Variants in MSRA observed in about 807,000 individuals in gnomAD.
MSRA encodes methionine sulfoxide reductase A, also known as mitochondrial peptide methionine sulfoxide reductase.
In MSRA, 54 loss-of-function variants were observed where a neutral mutation model predicts 31.3. That is an observed-to-expected ratio of 1.73 (90% confidence interval 1.39 to 2.17). The LOEUF (loss-of-function observed/expected upper bound fraction) is 2.17, where lower values mean the gene tolerates loss of function less well. MSRA is among the 30% of genes most tolerant of loss of function. MSRA has a pLI of 0.00. For missense variants in MSRA, 507 were observed against 300.9 expected, an observed-to-expected ratio of 1.69 and a Z score of -5.07; for synonymous variants, 169 against 116.5, an observed-to-expected ratio of 1.45 and a Z score of -2.90.
chr8:10,124,866 T>C (rs545762807), intron 1 of MSRA, among the ~76,000 whole-genome samples: 1 of 152,332 alleles, frequency 6.6e-6, no homozygotes, highest in East Asian at 1.9e-4. Flanking sequence ...AGTTCTACCT[T>C]AAAAATAAAG....
At chr8:10,289,132 C>T (rs1487371578) in intron 3 of MSRA, among the ~76,000 whole-genome samples, 1 of 152,084 alleles carries the variant, frequency 6.6e-6, no homozygotes, top group Non-Finnish European at 1.5e-5. Context: ...TCTCCTGCCT[C>T]AGTCTCTGGA....
chr8:10,172,768 G>C (rs912441082), intron 1 of MSRA, among the ~76,000 whole-genome samples: 2 of 152,136 alleles, frequency 1.3e-5, no homozygotes, highest in Non-Finnish European at 2.9e-5. Context: ...AGGGACTCAG[G>C]TTGCCTGTAG....
intron 5 of MSRA, among the ~76,000 whole-genome samples, chr8:10,385,610 C>T (rs1348330885): frequency 6.6e-6 from 1 of 152,074 alleles, no homozygotes; most frequent in Non-Finnish European, 1.5e-5. Context: ...ATTAGGAGGG[C>T]CTGGCTCCCA....
intron 5 of MSRA, among the ~76,000 whole-genome samples, chr8:10,378,515 C>T (rs1321991128): frequency 1.3e-5 from 2 of 152,202 alleles, no homozygotes; most frequent in African/African-American, 2.4e-5. Context: ...GTGACTTTGA[C>T]GGTGAACAGG....
chr8:10,274,866 C>T (rs1384214084), intron 3 of MSRA, among the ~76,000 whole-genome samples: 21 of 152,192 alleles, frequency 1.4e-4, no homozygotes, highest in Admixed American at 1.3e-3. Context: ...CATCTACCCA[C>T]CCATTCAGCC....
intron 5 of MSRA, among the ~76,000 whole-genome samples, chr8:10,393,628 T>C (rs1806905888): frequency 6.6e-6 from 1 of 152,162 alleles, no homozygotes; most frequent in Non-Finnish European, 1.5e-5. Flanking sequence ...GAGTCTTCTG[T>C]GCATGTGATT....
chr8:10,317,066 G>C (rs1184135876), intron 4 of MSRA, among the ~76,000 whole-genome samples: 1 of 152,168 alleles, frequency 6.6e-6, no homozygotes, highest in African/African-American at 2.4e-5. Flanking sequence ...GAAGAATGTG[G>C]AGGTCATGCT....
chr8:10,425,682 C>T (rs545821901), intron 5 of MSRA, among the ~76,000 whole-genome samples: 1 of 152,192 alleles, frequency 6.6e-6, no homozygotes, highest in Non-Finnish European at 1.5e-5. Flanking sequence ...GGGCCGGGAG[C>T]GAGGCCCGTC....
chr8:10,160,276 C>T lies in MSRA; in HGVS notation c.143-47557C>T, dbSNP rs185959503. Among the ~76,000 whole-genome samples, 335 of 152,122 alleles carry T rather than the reference C, an allele frequency of 2.2e-3. 1 individual carries two copies. Among genetic ancestry groups the T allele is most frequent in the Admixed American group, 3.5e-3 (53 of 15,280 alleles). On this transcript the variant is annotated intron_variant, in intron 1 of 5. Transcript: ENST00000317173. ...TTGGGAGGCTGAGGTGGGCAGATCACGAGGTCAGGAGATCAAAGACCATCC... is the reference window on the plus strand; with the variant it reads ...TTGGGAGGCTGAGGTGGGCAGATCATGAGGTCAGGAGATCAAAGACCATCC...
intron 1 of MSRA, among the ~76,000 whole-genome samples, chr8:10,067,350 A>C (rs1797507004): frequency 6.6e-6 from 1 of 152,212 alleles, no homozygotes. Flanking sequence ...CTGGTTGGAT[A>C]GCCAAATTTC....
intron 1 of MSRA, among the ~76,000 whole-genome samples, chr8:10,084,454 C>T (rs1398454065): frequency 1.3e-5 from 2 of 152,234 alleles, no homozygotes; most frequent in Non-Finnish European, 2.9e-5. Context: ...CAGATCTTAA[C>T]CATGTAAACC....
intron 5 of MSRA, among the ~76,000 whole-genome samples, chr8:10,357,728 C>T (rs1563389843): frequency 6.6e-6 from 1 of 152,112 alleles, no homozygotes; most frequent in Non-Finnish European, 1.5e-5. Flanking sequence ...ATGCTTATTG[C>T]TATTGGTTTG....
chr8:10,314,198 A>C (rs955429290), intron 4 of MSRA, among the ~76,000 whole-genome samples: 2 of 152,222 alleles, frequency 1.3e-5, no homozygotes, highest in Admixed American at 6.5e-5. Flanking sequence ...CATCATAAAG[A>C]AAATGCCAAG....
In MSRA at chr8:10,221,809, A is replaced by G. The variant is rs556148737; in HGVS notation, c.211+13908A>G. Among the ~76,000 whole-genome samples, 47 of 152,252 alleles carry G rather than the reference A, an allele frequency of 3.1e-4. 1 individual carries two copies. In the Middle Eastern group the frequency reaches 0.01, roughly 33 times the overall value. On this transcript the variant is annotated intron_variant, in intron 2 of 5. Transcript: ENST00000317173. ...ACATAGTCAGAGAAGTCATGAAGGA[A>G]AAATACCTGAGACAGGTTGTTTTGC...
chr8:10,255,494 G>C (rs528767792), intron 3 of MSRA, among the ~76,000 whole-genome samples: 1 of 152,096 alleles, frequency 6.6e-6, no homozygotes, highest in Non-Finnish European at 1.5e-5. Context: ...CTTCCCCCTC[G>C]GTCCCGGCAG....
intron 3 of MSRA, among the ~76,000 whole-genome samples, chr8:10,294,828 G>A (rs1346992193): frequency 2.0e-5 from 3 of 152,078 alleles, no homozygotes; most frequent in Admixed American, 1.3e-4. Context: ...GCAGCACAGA[G>A]TCCAGGAACC....
chr8:10,257,011 T>A (rs1169469364), intron 3 of MSRA, among the ~76,000 whole-genome samples: 2 of 152,224 alleles, frequency 1.3e-5, no homozygotes, highest in African/African-American at 4.8e-5. Context: ...TTAAAATATT[T>A]TAAAAATATA....
intron 1 of MSRA, among the ~76,000 whole-genome samples, chr8:10,140,177 A>G (rs1047866660): frequency 2.6e-5 from 4 of 152,060 alleles, no homozygotes; most frequent in Non-Finnish European, 4.4e-5. Context: ...ACAGAGGGAT[A>G]CTCAGCAAGT....
In MSRA at chr8:10,054,556, C is replaced by G; in HGVS notation, c.40C>G (p.Leu14Val). 1.3e-6 allele frequency: 2 copies of G among 1,587,212 alleles called. No individual in the cohort carries two copies. The highest frequency in any genetic ancestry group is 2.8e-5 in the African/African-American group (2 of 72,316). Reference protein sequence around the residue: ...ATRRACQLLLLHSLFPVPRMG... With the variant: ...ATRRACQLLLVHSLFPVPRMG... ...CCGGAGGGCTTGCCAGCTCCTCCTC[C>G]TCCACAGCCTCTTTCCCGTCCCGAG... is the stretch of plus-strand genomic sequence containing the variant. Residue 14 changes from leucine to valine, a missense_variant, in exon 1 of 6, where the codon CTC becomes GTC. Coordinates refer to ENST00000317173, the MANE Select transcript of MSRA (RefSeq NM_012331.5).
Sources: allele counts gnomAD v4.1 joint callset (sites outside exome capture counted in the v4.1 genomes callset), GRCh38; gene constraint gnomAD v4.1.1; transcripts MANE v1.5; gene names NCBI Gene and HGNC (gene_info 2026-07-23, HGNC 2026-07-21).